Variants in RHOT1 observed in about 807,000 individuals in gnomAD.
RHOT1 encodes the protein ras homolog family member T1.
RHOT1 carries 27 observed loss-of-function variants against 95.3 expected under a neutral mutation model. The ratio of observed to expected loss-of-function variants is 0.28; its 90% CI spans 0.21 to 0.39. The LOEUF (loss-of-function observed/expected upper bound fraction) is 0.39, where lower values mean the gene tolerates loss of function less well. RHOT1 is among the 10% of genes least tolerant of loss of function. RHOT1 has a pLI of 1.00. For synonymous variants in RHOT1, 227 were observed against 263.5 expected (o/e 0.86, Z 1.34); for missense variants, 578 against 786.7 (o/e 0.73, Z 3.17).
intron 1 of RHOT1, among the ~76,000 whole-genome samples, chr17:32,159,093 C>T (rs891055434): frequency 2.6e-5 from 4 of 152,182 alleles, no homozygotes; most frequent in Non-Finnish European, 4.4e-5. Flanking sequence ...CTCCCCACAC[C>T]GTGTCTCAGG....
intron 8 of RHOT1, among the ~76,000 whole-genome samples, chr17:32,187,504 A>G (rs924555722): frequency 6.6e-6 from 1 of 152,126 alleles, no homozygotes; most frequent in African/African-American, 2.4e-5. Flanking sequence ...AAAAGTTTAT[A>G]GTATAAGTGA....
At chr17:32,150,111 C>T (rs1365763572) in intron 1 of RHOT1, among the ~76,000 whole-genome samples, 2 of 152,060 alleles carry the variant, frequency 1.3e-5, no homozygotes, top group African/African-American at 2.4e-5. Flanking sequence ...CTTTATTATT[C>T]CTTTGATAGT....
At chr17:32,211,715 TATA>T (rs1414885159) in intron 19 of RHOT1, among the ~76,000 whole-genome samples, 1 of 152,184 alleles carries the variant, frequency 6.6e-6, no homozygotes, top group Non-Finnish European at 1.5e-5. Flanking sequence ...CATTTATAAT[TATA>T]ATCTGCTTTT....
At chr17:32,194,860 GCT>G (rs1312909517) in intron 11 of RHOT1, among the ~76,000 whole-genome samples, 3 of 133,722 alleles carry the variant, frequency 2.2e-5, no homozygotes. Context: ...ACGGAGTCTC[GCT>G]CTGTCACCCA....
intron 8 of RHOT1, among the ~76,000 whole-genome samples, chr17:32,184,434 C>T (rs186372205): frequency 4.7e-4 from 71 of 151,932 alleles, no homozygotes; most frequent in East Asian, 2.5e-3. Context: ...TTTTATGGCC[C>T]GATAATCATT....
At chr17:32,168,372 C>T (rs1354956331) in intron 1 of RHOT1, among the ~76,000 whole-genome samples, 1 of 151,982 alleles carries the variant, frequency 6.6e-6, no homozygotes, top group Non-Finnish European at 1.5e-5. Flanking sequence ...TGGGCTCAAG[C>T]AGTCCTCCTG....
At chr17:32,177,754 C>CA (rs765273097) in intron 6 of RHOT1, among the ~76,000 whole-genome samples, 1,076 of 86,952 alleles carry the variant, frequency 0.012, 30 homozygotes, top group African/African-American at 0.038. Context: ...GACTCCGTCT[C>CA]AAAAAAAAAA....
chr17:32,225,645 GA>G lies in RHOT1; in HGVS notation c.*914del, dbSNP rs2142981094. ...TTTTAAATGATAAAATAAATCTAATGAATATAAACTCTCATGATAAACCTAT... is the reference window on the plus strand; with the variant it reads ...TTTTAAATGATAAAATAAATCTAATGATATAAACTCTCATGATAAACCTAT... On this transcript the variant is annotated 3_prime_UTR_variant, in exon 20 of 20. Coordinates refer to ENST00000545287, the MANE Select transcript of RHOT1 (RefSeq NM_001033566.3). 1 of 152,254 alleles carries G rather than the reference GA, an allele frequency of 6.6e-6. No individual in the cohort carries two copies. Among genetic ancestry groups the G allele is most frequent in the South Asian group, 2.1e-4 (1 of 4,818 alleles). 9.4% of individuals were successfully genotyped at this position (152,254 alleles called of 1,614,324 possible).
chr17:32,146,455 A>T (rs930495682), intron 1 of RHOT1, among the ~76,000 whole-genome samples: 2 of 150,424 alleles, frequency 1.3e-5, no homozygotes, highest in African/African-American at 2.4e-5. Flanking sequence ...TTTTTATTTT[A>T]TTTTTTTTGA....
chr17:32,164,598 G>T (rs2033874635), intron 1 of RHOT1, among the ~76,000 whole-genome samples: 1 of 152,056 alleles, frequency 6.6e-6, no homozygotes, highest in Admixed American at 6.6e-5. Context: ...GAATGTGGTG[G>T]CTTACACCTG....
chr17:32,176,988 A>G (rs1031335816), intron 6 of RHOT1, among the ~76,000 whole-genome samples: 1 of 152,200 alleles, frequency 6.6e-6, no homozygotes, highest in African/African-American at 2.4e-5. Flanking sequence ...GAAACGCTAA[A>G]GATCTGGTTC....
intron 1 of RHOT1, among the ~76,000 whole-genome samples, chr17:32,161,028 GTGGGTTCTTCTGCCTGC>G (rs2033493966): frequency 6.6e-6 from 1 of 152,222 alleles, no homozygotes. Context: ...TAGTTGCCCA[GTGGGTTCTTCTGCCTGC>G]TACACAGACA....
intron 8 of RHOT1, among the ~76,000 whole-genome samples, chr17:32,186,453 T>C (rs1171013799): frequency 6.7e-6 from 1 of 149,960 alleles, no homozygotes; most frequent in East Asian, 2.0e-4. Flanking sequence ...AAACTTCACC[T>C]CCTGGGTTCA....
rs1382130305 is a variant in RHOT1 at position 32,175,345 on chromosome 17, C to A, written c.205C>A (p.His69Asn). 1.2e-6 allele frequency: 2 copies of A among 1,613,618 alleles called. No homozygotes were observed. Among genetic ancestry groups the A allele is most frequent in the South Asian group, 2.2e-5 (2 of 91,070 alleles). ...AGCAGAACAGAGTGATGAACAACTT[C>A]ATCAAGAAATATCTCAGGTGAGCTT... ...SEAEQSDEQL[H>N]QEISQANVIC... Residue 69 changes from histidine to asparagine, a missense_variant, in exon 4 of 20, where the codon CAT becomes AAT. Transcript: ENST00000545287.
At chr17:32,169,851 CA>C (rs933886397) in intron 1 of RHOT1, among the ~76,000 whole-genome samples, 1 of 151,320 alleles carries the variant, frequency 6.6e-6, no homozygotes, top group African/African-American at 2.4e-5. Flanking sequence ...ATTAAAAATA[CA>C]AAAAAAATTA....
chr17:32,203,825 G>T, intron 15 of RHOT1, 65 bp from the exon 16 acceptor site: 1 of 1,104,960 alleles, frequency 9.1e-7, no homozygotes, highest in South Asian at 1.3e-5. Flanking sequence ...CATATACACA[G>T]AGATGTTTGT....
chr17:32,153,075 T>C (rs1461006680), intron 1 of RHOT1, among the ~76,000 whole-genome samples: 3 of 152,246 alleles, frequency 2.0e-5, no homozygotes, highest in African/African-American at 7.2e-5. Context: ...GTGCTGAGAT[T>C]ACAGGCGTGA....
intron 16 of RHOT1, among the ~76,000 whole-genome samples, chr17:32,204,648 A>T (rs2142866928): frequency 6.6e-6 from 1 of 151,762 alleles, no homozygotes; most frequent in African/African-American, 2.4e-5. Flanking sequence ...AAAAAAAATT[A>T]AGTTGGTACA....
chr17:32,208,757 G>T, intron 18 of RHOT1: 1 of 160,914 alleles, frequency 6.2e-6, no homozygotes, highest in South Asian at 1.7e-4. Context: ...GCTTCAGTTA[G>T]GATATGTCTT....
Sources: gnomAD v4.1 joint callset for allele counts (sites outside exome capture counted in the v4.1 genomes callset) on GRCh38, gnomAD v4.1.1 for gene constraint, MANE v1.5 for transcripts, NCBI Gene and HGNC (gene_info 2026-07-23, HGNC 2026-07-21) for gene names.